FBN1: variants seen among roughly 807,000 people sequenced by gnomAD.
FBN1 encodes the protein fibrillin 1, also known as fibrillin-1.
A neutral mutation model predicts 365.1 loss-of-function variants in FBN1; 29 were observed. That is an observed-to-expected ratio of 0.08 (90% confidence interval 0.06 to 0.11). FBN1 has a LOEUF of 0.11. FBN1 is among the 10% of genes least tolerant of loss of function. The pLI is 1.00. For missense variants in FBN1, 2,476 were observed against 3,703.2 expected, an observed-to-expected ratio of 0.67 and a Z score of 8.60; for synonymous variants, 1,210 against 1,270.5, an observed-to-expected ratio of 0.95 and a Z score of 1.01.
chr15:48,546,451 G>T (rs1190146316), intron 6 of FBN1, among the ~76,000 whole-genome samples: 2 of 152,184 alleles, frequency 1.3e-5, no homozygotes. Context: ...TTCTAAGTAT[G>T]GGAGACAGCA....
chr15:48,530,478 C>T (rs959005663), intron 8 of FBN1, among the ~76,000 whole-genome samples: 1 of 152,118 alleles, frequency 6.6e-6, no homozygotes, highest in Non-Finnish European at 1.5e-5. Flanking sequence ...TCACACAAAG[C>T]ATTAGGGACT....
intron 10 of FBN1, among the ~76,000 whole-genome samples, chr15:48,517,273 A>G (rs1045393418): frequency 6.6e-5 from 10 of 152,206 alleles, no homozygotes; most frequent in African/African-American, 2.4e-4. Context: ...CAGTACAGAG[A>G]GGTGATACTC....
intron 8 of FBN1, among the ~76,000 whole-genome samples, chr15:48,528,215 A>G (rs763659908): frequency 3.3e-5 from 5 of 152,252 alleles, no homozygotes; most frequent in Non-Finnish European, 7.3e-5. Flanking sequence ...GCGTACATCA[A>G]TATCTAAAAG....
At chr15:48,634,857 C>CCACACA (rs57811526) in intron 2 of FBN1, among the ~76,000 whole-genome samples, 139 of 69,168 alleles carry the variant, frequency 2.0e-3, no homozygotes, top group Admixed American at 2.1e-3. Flanking sequence ...AAAAAAAAAA[C>CCACACA]CACACACACA....
At position 48,533,848 on chromosome 15, in the gene FBN1, G is replaced by A. The variant is rs12324365; in HGVS notation, c.862+232C>T. ...ATTTCATGTTTTTAATATTTAATTT[G>A]ATTCAGATGGACCTCTTGTTTTGGG... On this transcript the variant is annotated intron_variant, in intron 8 of 65. Coordinates refer to ENST00000316623, the MANE Select transcript of FBN1 (RefSeq NM_000138.5). Among the ~76,000 whole-genome samples, 1,076 of 152,216 alleles carry A rather than the reference G, an allele frequency of 7.1e-3. 19 individuals carry two copies. The highest frequency in any genetic ancestry group is 0.025 in the African/African-American group (1,028 of 41,538).
At chr15:48,469,083 T>TATATATATATAAAATATAATATATATTAA (rs2043347489) in intron 36 of FBN1, among the ~76,000 whole-genome samples, 1 of 118,762 alleles carries the variant, frequency 8.4e-6, no homozygotes. Context: ...AAAAAAAATA[T>TATATATATATAAAATATAATATATATTAA]ATATATATAT....
intron 18 of FBN1, 46 bp downstream of exon 18, chr15:48,498,939 G>C: frequency 1.3e-6 from 2 of 1,571,116 alleles, no homozygotes; most frequent in Non-Finnish European, 1.8e-6. Context: ...GCCTGATGCT[G>C]CCTCTGCACA....
intron 44 of FBN1, among the ~76,000 whole-genome samples, chr15:48,454,822 C>G (rs1279249966): frequency 6.6e-6 from 1 of 152,210 alleles, no homozygotes; most frequent in East Asian, 1.9e-4. Context: ...TTGTGCCTCT[C>G]TGGGCAACAG....
chr15:48,557,319 C>A (rs1472085550), intron 6 of FBN1, among the ~76,000 whole-genome samples: 1 of 152,182 alleles, frequency 6.6e-6, no homozygotes, highest in Non-Finnish European at 1.5e-5. Flanking sequence ...AGCAAACCAG[C>A]ACTAGGACTC....
intron 6 of FBN1, among the ~76,000 whole-genome samples, chr15:48,543,708 A>C (rs941406506): frequency 6.6e-6 from 1 of 152,226 alleles, no homozygotes; most frequent in Non-Finnish European, 1.5e-5. Context: ...AGATTATTTT[A>C]GATTAAAAAT....
rs184873710 is a variant in FBN1 at position 48,562,240 on chromosome 15, G to A, written c.539-24432C>T. Among the ~76,000 whole-genome samples the A allele has an allele frequency of 2.0e-3, 302 of 152,278 alleles. 8 individuals are homozygous for A. The highest frequency in any genetic ancestry group is 0.017 in the Admixed American group (262 of 15,294). ...CTATAAAGTTCCTCTCCACAGGTCC[G>A]TGCTGTGATGCTGGGACATCTTCAG... On this transcript the variant is annotated intron_variant, in intron 6 of 65. Transcript: ENST00000316623.
chr15:48,458,690 T>C (rs2043259903), intron 43 of FBN1, among the ~76,000 whole-genome samples: 2 of 152,206 alleles, frequency 1.3e-5, no homozygotes, highest in Non-Finnish European at 2.9e-5. Flanking sequence ...TTAAAAATTA[T>C]ATTTTCTTTT....
At chr15:48,538,483 C>T (rs1181281288) in intron 6 of FBN1, among the ~76,000 whole-genome samples, 1 of 152,118 alleles carries the variant, frequency 6.6e-6, no homozygotes, top group Non-Finnish European at 1.5e-5. Flanking sequence ...ATCATTGTAA[C>T]CCCTAGGCAA....
At chr15:48,430,521 A>T in intron 56 of FBN1, 150 bp downstream of exon 56, 1 of 813,228 alleles carries the variant, frequency 1.2e-6, no homozygotes, top group Non-Finnish European at 2.1e-6. Context: ...TCACGAGGCA[A>T]GGGAACCACC....
intron 31 of FBN1, 75 bp from the exon 32 acceptor site, chr15:48,481,855 C>G: frequency 7.1e-7 from 1 of 1,415,180 alleles, no homozygotes; most frequent in Non-Finnish European, 1.0e-6. Context: ...GACATAATAA[C>G]TATGACAAAT....
At chr15:48,434,018 A>G (rs866796566) in intron 54 of FBN1, among the ~76,000 whole-genome samples, 1 of 152,150 alleles carries the variant, frequency 6.6e-6, no homozygotes, top group Non-Finnish European at 1.5e-5. Context: ...GGTGATGCTG[A>G]TACAGCTGCT....
At chr15:48,547,721 TCACACACACACACACACACA>T (rs57915350) in intron 6 of FBN1, among the ~76,000 whole-genome samples, 48 of 131,224 alleles carry the variant, frequency 3.7e-4, no homozygotes, top group Middle Eastern at 7.9e-3. Flanking sequence ...CTTCTCTCTT[TCACACACACACACACACACA>T]CACACACACA....
intron 27 of FBN1, 107 bp downstream of exon 27, chr15:48,488,006 A>G: frequency 7.1e-7 from 1 of 1,411,494 alleles, no homozygotes; most frequent in Non-Finnish European, 1.0e-6. Context: ...TCCTAACTTC[A>G]CTGGTTGCAC....
intron 46 of FBN1, among the ~76,000 whole-genome samples, chr15:48,447,230 G>C (rs1350567573): frequency 1.3e-5 from 2 of 152,108 alleles, no homozygotes; most frequent in African/African-American, 2.4e-5. Flanking sequence ...TCTCACTCCA[G>C]TTTACCAAAA....
Sources: allele counts gnomAD v4.1 joint callset (sites outside exome capture counted in the v4.1 genomes callset), GRCh38; gene constraint gnomAD v4.1.1; transcripts MANE v1.5; gene names NCBI Gene and HGNC (gene_info 2026-07-23, HGNC 2026-07-21).